The following SWAP70 variants were observed in gnomAD, a reference collection of about 807,000 sequenced individuals.
SWAP70 encodes the protein switch-associated protein 70.
A neutral mutation model predicts 80.2 loss-of-function variants in SWAP70; 34 were observed. The ratio of observed to expected loss-of-function variants is 0.42; its 90% CI spans 0.32 to 0.56. The LOEUF is 0.56. SWAP70 is among the 20% of genes least tolerant of loss of function. The probability of loss-of-function intolerance (pLI) is 0.09; values close to 1 mark genes in which losing one functional copy is unlikely to be tolerated. For missense variants in SWAP70, 578 were observed against 690.7 expected (o/e 0.84, Z 1.83); for synonymous variants, 239 against 238.5 (o/e 1.00, Z -0.02).
At chr11:9,736,014 T>A (rs1851358929) in intron 7 of SWAP70, among the ~76,000 whole-genome samples, 1 of 152,186 alleles carries the variant, frequency 6.6e-6, no homozygotes, top group Admixed American at 6.5e-5. Flanking sequence ...CATAATGGTG[T>A]CCCACATTTC....
intron 1 of SWAP70, among the ~76,000 whole-genome samples, chr11:9,674,355 CTT>C: frequency 6.6e-6 from 1 of 152,212 alleles, no homozygotes; most frequent in East Asian, 1.9e-4. Flanking sequence ...TGCAGACAGA[CTT>C]TTGTCAAACT....
chr11:9,737,549 A>G lies in SWAP70; in HGVS notation c.1081-664A>G, dbSNP rs541168349. On this transcript the variant is annotated intron_variant, in intron 7 of 11. Transcript: ENST00000318950. ...TTGGTTCTGGTAAAAGTTATAATGA[A>G]TAATGTATAAGATGAAAAAACTGTA... Among the ~76,000 whole-genome samples the G allele has an allele frequency of 4.3e-4, 66 of 152,292 alleles. 1 individual carries two copies. The Middle Eastern group carries it at 0.01, about 24-fold the overall frequency.
At chr11:9,670,912 C>T (rs555109108) in intron 1 of SWAP70, among the ~76,000 whole-genome samples, 1 of 151,224 alleles carries the variant, frequency 6.6e-6, no homozygotes, top group African/African-American at 2.4e-5. Flanking sequence ...TGCCACCACA[C>T]CTGGCTAATT....
At chr11:9,739,400 C>T (rs1851406582) in intron 8 of SWAP70, among the ~76,000 whole-genome samples, 1 of 152,208 alleles carries the variant, frequency 6.6e-6, no homozygotes. Flanking sequence ...AATGTCTGGT[C>T]TTGTTTCCTC....
chr11:9,704,411 T>A (rs1850873556), intron 2 of SWAP70, among the ~76,000 whole-genome samples: 1 of 149,858 alleles, frequency 6.7e-6, no homozygotes, highest in East Asian at 1.9e-4. Flanking sequence ...TATTTTACTT[T>A]TTTGAGACAC....
chr11:9,732,791 T>C, intron 7 of SWAP70, 81 bp downstream of exon 7: 2 of 1,337,620 alleles, frequency 1.5e-6, no homozygotes, highest in South Asian at 3.0e-5. Flanking sequence ...GTGTTGGTTC[T>C]ACCAAGATGA....
chr11:9,702,030 T>G (rs1285168518), intron 2 of SWAP70, among the ~76,000 whole-genome samples: 4 of 152,190 alleles, frequency 2.6e-5, no homozygotes, highest in Non-Finnish European at 4.4e-5. Flanking sequence ...TTGTATTTGG[T>G]TTTTTGGAAA....
chr11:9,721,051 G>A (rs1368670303), intron 3 of SWAP70, among the ~76,000 whole-genome samples: 1 of 152,154 alleles, frequency 6.6e-6, no homozygotes, highest in African/African-American at 2.4e-5. Context: ...CCTGGCTTCA[G>A]GTGATCTGCC....
intron 2 of SWAP70, among the ~76,000 whole-genome samples, chr11:9,709,068 A>C (rs1428791441): frequency 1.3e-5 from 2 of 151,982 alleles, no homozygotes; most frequent in Non-Finnish European, 2.9e-5. Flanking sequence ...ACCATACCCT[A>C]CTAATTAAAA....
At chr11:9,739,810 C>T (rs1178979015) in intron 8 of SWAP70, among the ~76,000 whole-genome samples, 2 of 152,122 alleles carry the variant, frequency 1.3e-5, no homozygotes, top group East Asian at 1.9e-4. Context: ...GGAAAAGGTT[C>T]GTTCCTTTTA....
intron 1 of SWAP70, among the ~76,000 whole-genome samples, chr11:9,683,752 G>C (rs772487576): frequency 6.6e-6 from 1 of 152,140 alleles, no homozygotes; most frequent in Non-Finnish European, 1.5e-5. Context: ...CTACCACCCC[G>C]CTCTGTCACT....
At chr11:9,728,284 T>C (rs1214332685) in intron 5 of SWAP70, 85 bp downstream of exon 5, 2 of 1,277,488 alleles carry the variant, frequency 1.6e-6, no homozygotes, top group African/African-American at 3.1e-5. Flanking sequence ...CCACCTAGAC[T>C]CTAGAACCTT....
At chr11:9,729,533 C>T in intron 6 of SWAP70, 82 bp downstream of exon 6, 1 of 1,069,678 alleles carries the variant, frequency 9.3e-7, no homozygotes, top group Non-Finnish European at 1.4e-6. Context: ...GAGTCTTGCT[C>T]TGTTGCCCGG....
At chr11:9,677,038 G>A (rs1324514309) in intron 1 of SWAP70, among the ~76,000 whole-genome samples, 1 of 151,154 alleles carries the variant, frequency 6.6e-6, no homozygotes, top group African/African-American at 2.4e-5. Context: ...AGGGCCAACT[G>A]TATTTCTCTC....
At chr11:9,741,757 T>C (rs1029361305) in intron 9 of SWAP70, 2 of 151,836 alleles carry the variant, frequency 1.3e-5, no homozygotes, top group African/African-American at 4.8e-5. Flanking sequence ...GGGATAATTT[T>C]GGATAATTGA....
intron 7 of SWAP70, among the ~76,000 whole-genome samples, chr11:9,733,529 G>A (rs1201262037): frequency 1.3e-5 from 2 of 152,186 alleles, no homozygotes; most frequent in Non-Finnish European, 2.9e-5. Flanking sequence ...GACTCATGAA[G>A]ATTTTTAAGA....
intron 1 of SWAP70, among the ~76,000 whole-genome samples, chr11:9,688,531 G>C (rs1343324056): frequency 2.6e-5 from 4 of 152,186 alleles, no homozygotes; most frequent in African/African-American, 4.8e-5. Flanking sequence ...GGTTGGTGCA[G>C]AGGGTGGGAA....
At chr11:9,681,026 C>T (rs1245808508) in intron 1 of SWAP70, 1 of 159,128 alleles carries the variant, frequency 6.3e-6, no homozygotes, top group Non-Finnish European at 1.5e-5. Flanking sequence ...CCTCCCTCAC[C>T]ACTCCATGTG....
intron 1 of SWAP70, among the ~76,000 whole-genome samples, chr11:9,683,212 A>G (rs1367065741): frequency 1.3e-5 from 2 of 152,090 alleles, no homozygotes; most frequent in Non-Finnish European, 1.5e-5. Context: ...CAGCCTGGAC[A>G]ACATGGTGAA....
Sources: allele counts gnomAD v4.1 joint callset (sites outside exome capture counted in the v4.1 genomes callset), GRCh38; gene constraint gnomAD v4.1.1; transcripts MANE v1.5; gene names NCBI Gene and HGNC (gene_info 2026-07-23, HGNC 2026-07-21).